TAFA1: variants seen among roughly 807,000 people sequenced by gnomAD.
TAFA1 encodes TAFA chemokine like family member 1, also known as chemokine-like protein TAFA-1.
Under a neutral mutation model 18.5 loss-of-function variants are expected in TAFA1, and 4 were observed. That is an observed-to-expected ratio of 0.22 (90% CI 0.11 to 0.49). The LOEUF (loss-of-function observed/expected upper bound fraction) is 0.49, where lower values mean the gene tolerates loss of function less well. Ranked by LOEUF, TAFA1 falls within the 20% of genes least tolerant of loss-of-function variation. The pLI is 0.98. For missense variants in TAFA1, 147 were observed against 169.0 expected, an observed-to-expected ratio of 0.87 and a Z score of 0.72; for synonymous variants, 56 against 55.2, an observed-to-expected ratio of 1.01 and a Z score of -0.06.
intron 2 of TAFA1, among the ~76,000 whole-genome samples, chr3:68,206,558 A>G (rs2066528455): frequency 6.6e-6 from 1 of 151,952 alleles, no homozygotes; most frequent in African/African-American, 2.4e-5. Flanking sequence ...TGACACCCAT[A>G]TGAGAATAAA....
At chr3:68,232,466 CT>C (rs1362877549) in intron 2 of TAFA1, among the ~76,000 whole-genome samples, 1 of 152,104 alleles carries the variant, frequency 6.6e-6, no homozygotes, top group African/African-American at 2.4e-5. Flanking sequence ...TTGATGAACA[CT>C]TTGGTTGCTT....
chr3:68,041,362 G>A (rs1705161445), intron 2 of TAFA1, among the ~76,000 whole-genome samples: 1 of 152,208 alleles, frequency 6.6e-6, no homozygotes, highest in Non-Finnish European at 1.5e-5. Flanking sequence ...ATGGATTAAA[G>A]TTAGAGAACA....
At chr3:68,172,784 A>G (rs1469533646) in intron 2 of TAFA1, among the ~76,000 whole-genome samples, 1 of 152,188 alleles carries the variant, frequency 6.6e-6, no homozygotes, top group African/African-American at 2.4e-5. Context: ...CGCATAATAG[A>G]TTATTTATTG....
chr3:68,533,570 G>A (rs2073223606), intron 3 of TAFA1, among the ~76,000 whole-genome samples: 1 of 152,212 alleles, frequency 6.6e-6, no homozygotes, highest in South Asian at 2.1e-4. Context: ...GAACAGTAAA[G>A]TATGGATTCG....
At chr3:68,279,441 T>C (rs769532483) in intron 2 of TAFA1, among the ~76,000 whole-genome samples, 6 of 152,130 alleles carry the variant, frequency 3.9e-5, no homozygotes, top group African/African-American at 9.7e-5. Context: ...ATAAAAATGT[T>C]GACACTGACT....
intron 3 of TAFA1, among the ~76,000 whole-genome samples, chr3:68,495,998 C>CAAAAAAAAAA (rs199520960): frequency 1.5e-4 from 16 of 107,566 alleles, no homozygotes; most frequent in African/African-American, 4.3e-4. Context: ...TTCCCTGAAG[C>CAAAAAAAAAA]AAAAAAAAAA....
intron 2 of TAFA1, among the ~76,000 whole-genome samples, chr3:68,087,472 A>T (rs992046445): frequency 2.0e-5 from 3 of 152,062 alleles, no homozygotes; most frequent in Non-Finnish European, 4.4e-5. Flanking sequence ...CCTACAGAAA[A>T]CATTTTAGAA....
At position 68,162,040 on chromosome 3, in the gene TAFA1, A is replaced by C. The variant is rs371960593; in HGVS notation, c.118+155296A>C. Among the ~76,000 whole-genome samples, 9 of 152,340 alleles carry C rather than the reference A, an allele frequency of 5.9e-5. No individual in the cohort carries two copies. The East Asian group carries it at 1.7e-3, about 29-fold the overall frequency. On this transcript the variant is annotated intron_variant, in intron 2 of 4. Transcript: ENST00000478136. The stretch of plus-strand genomic sequence containing the variant: ...AGAGGTTGTAGAGCCTACAGGTCAC[A>C]AGTTCTCTACTCTTTGGCTCTTTAT...
At position 68,417,311 on chromosome 3, in the gene TAFA1, C is replaced by A. The variant is rs1398935202; in HGVS notation, c.150C>A (p.His50Gln). 6.2e-7 allele frequency: 1 copy of A among 1,613,172 alleles called. No homozygotes were observed. Among genetic ancestry groups the A allele is most frequent in the African/African-American group, 1.3e-5 (1 of 74,828 alleles). The change falls in exon 3 of 5, where the codon CAC becomes CAA. Residue 50 changes from histidine to glutamine, a missense_variant. Coordinates refer to ENST00000478136, the MANE Select transcript of TAFA1 (RefSeq NM_213609.4). ...GGACGTGTGAAGTGATAGCAGCACA[C>A]CGATGTTGTAACAAGAATCGCATTG... is the stretch of plus-strand genomic sequence containing the variant. ...EGGTCEVIAAHRCCNKNRIEE... is the reference protein window; with the variant it reads ...EGGTCEVIAAQRCCNKNRIEE...
At chr3:68,337,335 A>G (rs148353068) in intron 2 of TAFA1, among the ~76,000 whole-genome samples, 106 of 152,118 alleles carry the variant, frequency 7.0e-4, no homozygotes, top group African/African-American at 2.4e-3. Context: ...CATTTAAACA[A>G]TCATATCTCA....
chr3:68,461,255 C>A (rs1167052095), intron 3 of TAFA1, among the ~76,000 whole-genome samples: 1 of 150,618 alleles, frequency 6.6e-6, no homozygotes, highest in Non-Finnish European at 1.5e-5. Flanking sequence ...GCACTCCAGC[C>A]TTGGTGATAG....
chr3:68,356,605 C>T (rs551853250), intron 2 of TAFA1, among the ~76,000 whole-genome samples: 47 of 151,912 alleles, frequency 3.1e-4, no homozygotes, highest in South Asian at 6.2e-4. Flanking sequence ...ATTTAATTCC[C>T]GCCACCATCC....
chr3:68,350,707 G>A (rs1021824567), intron 2 of TAFA1, among the ~76,000 whole-genome samples: 10 of 152,084 alleles, frequency 6.6e-5, no homozygotes, highest in South Asian at 2.1e-4. Flanking sequence ...TTACATGTAC[G>A]AACATACATT....
intron 3 of TAFA1, among the ~76,000 whole-genome samples, chr3:68,527,093 C>T (rs962009566): frequency 6.6e-6 from 1 of 152,096 alleles, no homozygotes; most frequent in African/African-American, 2.4e-5. Context: ...TATTTTTCTA[C>T]ACAGATGCAA....
the TAFA1 span, among the ~76,000 whole-genome samples, chr3:67,994,599 C>A: frequency 6.6e-6 from 1 of 152,146 alleles, no homozygotes; most frequent in African/African-American, 2.4e-5. Context: ...CAAAAAAGGA[C>A]ATTTCCCCAG....
intron 2 of TAFA1, among the ~76,000 whole-genome samples, chr3:68,121,097 AG>A (rs1440410508): frequency 6.6e-6 from 1 of 152,214 alleles, no homozygotes; most frequent in Non-Finnish European, 1.5e-5. Context: ...TGGGATGAAA[AG>A]CCAAAATATA....
At chr3:68,200,864 T>C (rs562973277) in intron 2 of TAFA1, among the ~76,000 whole-genome samples, 1 of 151,814 alleles carries the variant, frequency 6.6e-6, no homozygotes, top group African/African-American at 2.4e-5. Context: ...TGATTTCTGC[T>C]TTAATGTTTA....
chr3:68,124,553 C>T (rs903556350), intron 2 of TAFA1, among the ~76,000 whole-genome samples: 1 of 152,202 alleles, frequency 6.6e-6, no homozygotes, highest in Non-Finnish European at 1.5e-5. Context: ...TCTTCCCATG[C>T]AAGTGTATGG....
chr3:68,379,866 T>C (rs1463049665), intron 2 of TAFA1, among the ~76,000 whole-genome samples: 7 of 152,040 alleles, frequency 4.6e-5, no homozygotes, highest in Non-Finnish European at 2.9e-5. Context: ...GCTGCACCCA[T>C]TAACTCCTCA....
Sources: allele counts gnomAD v4.1 joint callset (sites outside exome capture counted in the v4.1 genomes callset), GRCh38; gene constraint gnomAD v4.1.1; transcripts MANE v1.5; gene names NCBI Gene and HGNC (gene_info 2026-07-23, HGNC 2026-07-21).